Variants in DNAH11 observed in about 807,000 individuals in gnomAD.
DNAH11 encodes the protein axonemal beta dynein heavy chain 11.
In DNAH11, 442 loss-of-function variants were observed where a neutral mutation model predicts 526.0. The ratio of observed to expected loss-of-function variants is 0.84; its 90% CI spans 0.78 to 0.91. DNAH11 has a LOEUF of 0.91. Ranked by LOEUF, DNAH11 falls within the 40% of genes least tolerant of loss-of-function variation. DNAH11 has a pLI of 0.00. For synonymous variants in DNAH11, 2,461 were observed against 1,935.9 expected (o/e 1.27, Z -7.12); for missense variants, 6,989 against 5,448.7 (o/e 1.28, Z -8.90).
chr7:21,810,469 T>G (rs1789467082), intron 63 of DNAH11, among the ~76,000 whole-genome samples: 1 of 152,106 alleles, frequency 6.6e-6, no homozygotes, highest in Non-Finnish European at 1.5e-5. Flanking sequence ...CTCCGTTACT[T>G]TAGGGAAGTA....
At chr7:21,630,021 G>GTGATTT (rs1239878653) in intron 25 of DNAH11, among the ~76,000 whole-genome samples, 1 of 151,880 alleles carries the variant, frequency 6.6e-6, no homozygotes, top group African/African-American at 2.4e-5. Context: ...TTATTGTTAA[G>GTGATTT]TGATTTTCTC....
intron 44 of DNAH11, among the ~76,000 whole-genome samples, chr7:21,722,255 T>C (rs1450335949): frequency 1.3e-5 from 2 of 152,118 alleles, no homozygotes; most frequent in Non-Finnish European, 2.9e-5. Context: ...TGATGGGAAA[T>C]GGCAACATCA....
At chr7:21,773,103 C>G (rs1462179027) in intron 55 of DNAH11, among the ~76,000 whole-genome samples, 2 of 92,354 alleles carry the variant, frequency 2.2e-5, no homozygotes, top group Non-Finnish European at 4.4e-5. Flanking sequence ...AGATGTGACT[C>G]TGCAAATTAA....
chr7:21,671,349 G>C (rs1055919490), intron 30 of DNAH11, among the ~76,000 whole-genome samples: 6 of 152,166 alleles, frequency 3.9e-5, no homozygotes, highest in African/African-American at 1.4e-4. Flanking sequence ...GGCTGTGACA[G>C]AGACTGCATG....
At chr7:21,893,093 C>G (rs575796426) in intron 77 of DNAH11, among the ~76,000 whole-genome samples, 2 of 152,208 alleles carry the variant, frequency 1.3e-5, no homozygotes, top group Admixed American at 1.3e-4. Flanking sequence ...TGGGTTGTTT[C>G]TTGTTTTTCA....
At chr7:21,691,569 G>T (rs567874875) in intron 35 of DNAH11, among the ~76,000 whole-genome samples, 1 of 152,064 alleles carries the variant, frequency 6.6e-6, no homozygotes, top group Non-Finnish European at 1.5e-5. Flanking sequence ...ATATAGAAAA[G>T]AATAAAGAAA....
intron 51 of DNAH11, among the ~76,000 whole-genome samples, chr7:21,748,031 A>G (rs1383167207): frequency 2.0e-5 from 3 of 152,222 alleles, no homozygotes; most frequent in Non-Finnish European, 4.4e-5. Flanking sequence ...GAGAATCCAA[A>G]GTGTTATTAG....
chr7:21,831,725 G>A (rs1318562552), intron 65 of DNAH11, among the ~76,000 whole-genome samples: 2 of 152,202 alleles, frequency 1.3e-5, no homozygotes, highest in African/African-American at 4.8e-5. Context: ...GAGAGACACA[G>A]AGTGAGGAAG....
At chr7:21,726,848 A>G (rs529052988) in intron 45 of DNAH11, among the ~76,000 whole-genome samples, 102 of 78,950 alleles carry the variant, frequency 1.3e-3, no homozygotes, top group South Asian at 8.3e-3. Context: ...GCGACAGAGC[A>G]AGACTCTGTC....
intron 45 of DNAH11, among the ~76,000 whole-genome samples, chr7:21,726,821 A>C (rs1024442770): frequency 4.8e-5 from 4 of 83,690 alleles, no homozygotes; most frequent in Non-Finnish European, 9.2e-5. Flanking sequence ...AGATCGCGCC[A>C]CTGCACTCCA....
At chr7:21,679,209 C>T (rs547119623) in intron 30 of DNAH11, among the ~76,000 whole-genome samples, 72 of 151,930 alleles carry the variant, frequency 4.7e-4, no homozygotes, top group African/African-American at 1.6e-3. Flanking sequence ...CACATAGTAA[C>T]GGTACAATGG....
Position 21,739,672 on chromosome 7 carries a change from A to G in DNAH11, c.7913A>G (p.Gln2638Arg), listed in dbSNP as rs1417718316. 2.5e-6 allele frequency: 4 copies of G among 1,610,390 alleles called. No homozygotes were observed. Among genetic ancestry groups the G allele is most frequent in the Non-Finnish European group, 2.5e-6 (3 of 1,177,592 alleles). ...VGSFTINPRL[Q>R]RHFTVFAFNF... ...AGCTTCACCATCAATCCCAGGCTAC[A>G]GGTAGGGTGTTGAATACTGCTCTCA... The change falls in exon 48 of 82, where the codon CAG (glutamine) becomes CGG (arginine). Residue 2638 changes from glutamine to arginine, a missense_variant and splice_region_variant. By Grantham distance (43) the Gln-to-Arg change is conservative. Coordinates refer to ENST00000409508, the MANE Select transcript of DNAH11 (RefSeq NM_001277115.2).
At chr7:21,704,742 T>C (rs994028258) in intron 38 of DNAH11, 114 bp downstream of exon 38, 13 of 1,164,192 alleles carry the variant, frequency 1.1e-5, no homozygotes, top group Non-Finnish European at 1.5e-5. Context: ...AATAGGATCT[T>C]AATATATGCT....
chr7:21,861,934 G>A lies in DNAH11; in HGVS notation c.11284G>A (p.Glu3762Lys). ...DMQGRISILMESITHAVFLYT... is the reference protein window; with the variant it reads ...DMQGRISILMKSITHAVFLYT... Reference sequence around the variant, plus strand: ...GCAGGGACGCATCTCTATCCTGATGGAGAGCATCACCCATGCTGTCTTCCT... The same window carrying A: ...GCAGGGACGCATCTCTATCCTGATGAAGAGCATCACCCATGCTGTCTTCCT... The change falls in exon 69 of 82, where the codon GAG (glutamate) becomes AAG (lysine). Residue 3762 changes from glutamate (E) to lysine (K), a missense_variant. Physicochemically the swap from Glu to Lys is moderately conservative, Grantham distance 56. Coordinates refer to ENST00000409508, the MANE Select transcript of DNAH11 (RefSeq NM_001277115.2). The A allele has an allele frequency of 6.2e-7, 1 of 1,613,586 alleles. No individual in the cohort carries two copies. The highest frequency in any genetic ancestry group is 1.1e-5 in the South Asian group (1 of 90,998).
intron 18 of DNAH11, among the ~76,000 whole-genome samples, chr7:21,602,052 T>A (rs1785111746): frequency 6.6e-6 from 1 of 151,894 alleles, no homozygotes; most frequent in South Asian, 2.1e-4. Context: ...TAATAAAGAA[T>A]AAATAGGCCA....
rs749550240 is a variant in DNAH11 at position 21,735,804 on chromosome 7, T to C, written c.7605T>C (p.Arg2535=). The part of the protein sequence containing the change: ...ASLSEDYIVS[R]VPFNYYTTST... ...TCTCTGAGGATTACATAGTATCCCGTGTGCCTTTCAACTACTACACGACAT... is the reference window on the plus strand; with the variant it reads ...TCTCTGAGGATTACATAGTATCCCGCGTGCCTTTCAACTACTACACGACAT... Residue 2535 remains arginine, a synonymous_variant, in exon 46 of 82, where the codon CGT becomes CGC. Coordinates refer to ENST00000409508, the MANE Select transcript of DNAH11 (RefSeq NM_001277115.2). 1 of 1,613,818 alleles carries C rather than the reference T, an allele frequency of 6.2e-7. No individual in the cohort carries two copies. The highest frequency in any genetic ancestry group is 8.5e-7 in the Non-Finnish European group (1 of 1,179,778).
In DNAH11 at chr7:21,773,909, G is replaced by C; in HGVS notation, c.9246G>C (p.Lys3082Asn). The change falls in exon 56 of 82, where the codon AAG becomes AAC. Residue 3082 changes from lysine (K) to asparagine (N), a missense_variant. Physicochemically the swap from Lys to Asn is moderately conservative, Grantham distance 94. Coordinates refer to ENST00000409508, the MANE Select transcript of DNAH11 (RefSeq NM_001277115.2). ...KSFLEQISLF[K>N]NLLKKKQNEV... is the part of the protein sequence containing the mutation. ...TTCTAGAACAAATATCACTGTTTAA[G>C]AACCTGTTGAAGAAGAAGCAAAATG... 2 of 1,598,470 alleles carry C rather than the reference G, an allele frequency of 1.3e-6. No individual in the cohort carries two copies. The highest frequency in any genetic ancestry group is 1.7e-6 in the Non-Finnish European group (2 of 1,172,596).
Position 21,901,222 on chromosome 7 carries a change from C to G in DNAH11, c.13519C>G (p.Leu4507Val), listed in dbSNP as rs1167400162. 1 of 1,611,052 alleles carries G rather than the reference C, an allele frequency of 6.2e-7. No homozygotes were observed. Among genetic ancestry groups the G allele is most frequent in the Non-Finnish European group, 8.5e-7 (1 of 1,178,526 alleles). Reference protein sequence around the residue: ...KSEEKTAKWVLAGVALLLEA With the variant: ...KSEEKTAKWVVAGVALLLEA ...CGAAGAGAAGACTGCAAAATGGGTT[C>G]TGGCTGGAGTGGCTCTGCTTCTAGA... The change falls in exon 82 of 82, where the codon CTG (leucine) becomes GTG (valine). Residue 4507 changes from leucine to valine, a missense_variant. Coordinates refer to ENST00000409508, the MANE Select transcript of DNAH11 (RefSeq NM_001277115.2).
chr7:21,624,074 C>A (rs1222743464), intron 25 of DNAH11, among the ~76,000 whole-genome samples: 2 of 151,970 alleles, frequency 1.3e-5, no homozygotes. Flanking sequence ...TTAAAGGTCT[C>A]ACCTCAAACA....
Sources: gnomAD v4.1 joint callset for allele counts (sites outside exome capture counted in the v4.1 genomes callset) on GRCh38, gnomAD v4.1.1 for gene constraint, MANE v1.5 for transcripts, NCBI Gene and HGNC (gene_info 2026-07-23, HGNC 2026-07-21) for gene names.